DST: variants seen among roughly 807,000 people sequenced by gnomAD.
DST encodes the protein dystonin.
DST carries 253 observed loss-of-function variants against 875.2 expected under a neutral mutation model. The ratio of observed to expected loss-of-function variants is 0.29; its 90% CI spans 0.26 to 0.32. The LOEUF is 0.32. Among genes scored for constraint, DST ranks in the 10% least tolerant of loss-of-function variants. DST has a pLI of 1.00. For missense variants in DST, 8,287 were observed against 9,111.6 expected (o/e 0.91, Z 3.68); for synonymous variants, 3,124 against 3,197.1 (o/e 0.98, Z 0.77).
At chr6:56,816,905 T>A (rs539219911) in intron 4 of DST, among the ~76,000 whole-genome samples, 4 of 152,206 alleles carry the variant, frequency 2.6e-5, no homozygotes, top group African/African-American at 9.6e-5. Flanking sequence ...CATATTTATG[T>A]TTAAAATTCT....
At chr6:56,911,033 TCC>T (rs1798626595) in intron 2 of DST, among the ~76,000 whole-genome samples, 1 of 152,190 alleles carries the variant, frequency 6.6e-6, no homozygotes, top group Admixed American at 6.5e-5. Flanking sequence ...CCACCCACAG[TCC>T]CTGCTGCCTG....
intron 9 of DST, among the ~76,000 whole-genome samples, chr6:56,675,579 T>C (rs764890681): frequency 2.7e-4 from 41 of 152,194 alleles, no homozygotes; most frequent in Non-Finnish European, 5.4e-4. Flanking sequence ...CTTGGCCGGA[T>C]GTGGTGGCTC....
At chr6:56,501,326 T>C in intron 79 of DST, 91 bp from the exon 80 acceptor site, 2 of 1,380,290 alleles carry the variant, frequency 1.4e-6, no homozygotes, top group Non-Finnish European at 1.9e-6. Context: ...TTGTTTCATG[T>C]TGTATAAGTC....
chr6:56,634,200 T>C lies in DST; in HGVS notation c.3553A>G (p.Lys1185Glu), dbSNP rs1321902260. The C allele has an allele frequency of 6.2e-7, 1 of 1,613,716 alleles. No homozygotes were observed. Among genetic ancestry groups the C allele is most frequent in the East Asian group, 2.2e-5 (1 of 44,872 alleles). ...AGATAATGCCAGGATACTACACTCT[T>C]CATGTTTATGTGAGACTCATGCCAA... Reference protein sequence around the residue: ...TLWHESHINMKSVVSWHYLIN... With the variant: ...TLWHESHINMESVVSWHYLIN... The change falls in exon 27 of 104, where the codon AAG (lysine) becomes GAG (glutamate). Residue 1185 changes from lysine (K) to glutamate (E), a missense_variant. Physicochemically the swap from Lys to Glu is moderately conservative, Grantham distance 56. Around this residue, in one of 10 missense-constraint regions of DST, gnomAD observed 3,138 missense variants for 3,116.6 expected, o/e 1.01. Transcript: ENST00000680361.
At chr6:56,493,272 C>T (rs34303895) in intron 83 of DST, among the ~76,000 whole-genome samples, 183 bp from the exon 84 acceptor site, 60 of 152,128 alleles carry the variant, frequency 3.9e-4, no homozygotes, top group Non-Finnish European at 7.4e-4. Context: ...CAAACCAAAA[C>T]CCTTTAAGCC....
chr6:56,671,909 T>C (rs1422565895), intron 9 of DST, among the ~76,000 whole-genome samples: 1 of 152,222 alleles, frequency 6.6e-6, no homozygotes, highest in Non-Finnish European at 1.5e-5. Flanking sequence ...GTTTGAATAA[T>C]TCATTTCATG....
At chr6:56,600,943 T>C (rs1483854482) in intron 44 of DST, among the ~76,000 whole-genome samples, 1 of 152,038 alleles carries the variant, frequency 6.6e-6, no homozygotes, top group Non-Finnish European at 1.5e-5. Flanking sequence ...CTCACAACAC[T>C]AGCAGGTAAG....
chr6:56,468,643 G>A (rs2094713009), intron 98 of DST, among the ~76,000 whole-genome samples: 1 of 152,104 alleles, frequency 6.6e-6, no homozygotes, highest in South Asian at 2.1e-4. Flanking sequence ...GAGATGTGTG[G>A]AGAATCAAAT....
intron 2 of DST, among the ~76,000 whole-genome samples, chr6:56,924,073 G>A (rs1182692428): frequency 3.3e-5 from 5 of 152,060 alleles, no homozygotes; most frequent in African/African-American, 9.7e-5. Flanking sequence ...GCAGTGAGCC[G>A]AGATCACGCC....
intron 2 of DST, among the ~76,000 whole-genome samples, chr6:56,926,366 C>T (rs566186574): frequency 6.6e-6 from 1 of 152,310 alleles, no homozygotes; most frequent in East Asian, 1.9e-4. Context: ...TCAGCAGCAA[C>T]CAGCCTGGTG....
At chr6:56,521,994 T>A (rs930091169) in intron 69 of DST, among the ~76,000 whole-genome samples, 12 of 152,156 alleles carry the variant, frequency 7.9e-5, no homozygotes, top group Admixed American at 2.6e-4. Context: ...GGAAATACTT[T>A]AATAGCATCA....
chr6:56,677,327 CATCT>C (rs1303921288), intron 9 of DST, among the ~76,000 whole-genome samples: 2 of 151,970 alleles, frequency 1.3e-5, no homozygotes, highest in African/African-American at 4.8e-5. Flanking sequence ...TCTATCTATC[CATCT>C]ATCTGAGATG....
chr6:56,712,037 GC>G, intron 5 of DST, among the ~76,000 whole-genome samples: 1 of 143,572 alleles, frequency 7.0e-6, no homozygotes, highest in South Asian at 2.2e-4. Context: ...CTTGCAGTGA[GC>G]CGAGATCCCG....
chr6:56,678,971 C>T (rs1015058012), intron 9 of DST, among the ~76,000 whole-genome samples: 1 of 152,172 alleles, frequency 6.6e-6, no homozygotes, highest in African/African-American at 2.4e-5. Context: ...GAATTCAAAG[C>T]TGCCTCTGAG....
rs1167501975 is a variant in DST at position 56,807,100 on chromosome 6, G to C, written c.625+44297C>G. ...GGGTCTCGCTCTGTCCCCCAGGCTG[G>C]AGTGCAGTGGCACAATCTCAGCTCA... is the stretch of plus-strand genomic sequence containing the variant. On this transcript the variant is annotated intron_variant, in intron 4 of 103. Coordinates refer to ENST00000680361, the MANE Select transcript of DST (RefSeq NM_001374736.1). Among the ~76,000 whole-genome samples the C allele has an allele frequency of 3.9e-5, 6 of 152,074 alleles. No homozygotes were observed. In the East Asian group the frequency reaches 1.2e-3, roughly 29 times the overall value.
Position 56,515,585 on chromosome 6 carries a change from C to A in DST, c.18441G>T (p.Gln6147His). ...SERYLQLERA[Q>H]SLVNQFWETY... is the part of the protein sequence containing the mutation. ...TTTCCCAGAATTGGTTAACCAGGGA[C>A]TGTGCCCGTTCCAGCTGCAGATACC... The change falls in exon 72 of 104, where the codon CAG (glutamine) becomes CAT (histidine). Residue 6147 changes from glutamine (Q) to histidine (H), a missense_variant. Physicochemically the swap from Gln to His is conservative, Grantham distance 24. Around this residue, in one of 10 missense-constraint regions of DST, gnomAD observed 1,292 missense variants for 1,552.7 expected, o/e 0.83. Transcript: ENST00000680361. 1 of 1,613,908 alleles carries A rather than the reference C, an allele frequency of 6.2e-7. No individual in the cohort carries two copies. Among genetic ancestry groups the A allele is most frequent in the Non-Finnish European group, 8.5e-7 (1 of 1,179,830 alleles).
chr6:56,829,504 A>G (rs1459059614), intron 4 of DST, among the ~76,000 whole-genome samples: 1 of 152,212 alleles, frequency 6.6e-6, no homozygotes, highest in Non-Finnish European at 1.5e-5. Flanking sequence ...ATTGCAAACT[A>G]TATCAAAAGG....
chr6:56,904,798 CTT>C (rs1795641170), intron 2 of DST, among the ~76,000 whole-genome samples: 1 of 152,064 alleles, frequency 6.6e-6, no homozygotes, highest in African/African-American at 2.4e-5. Flanking sequence ...AAGAGTTACT[CTT>C]TTTCTTTTGA....
At chr6:56,666,717 T>G (rs1263232870) in intron 10 of DST, among the ~76,000 whole-genome samples, 1 of 151,404 alleles carries the variant, frequency 6.6e-6, no homozygotes, top group Non-Finnish European at 1.5e-5. Context: ...GTAAAAACAA[T>G]TATTAAGTAA....
Sources: gnomAD v4.1 joint callset for allele counts (sites outside exome capture counted in the v4.1 genomes callset) on GRCh38, gnomAD v4.1.1 for gene constraint, gnomAD v4.1.1 regional missense constraint, MANE v1.5 for transcripts, NCBI Gene and HGNC (gene_info 2026-07-23, HGNC 2026-07-21) for gene names.